The following DCLK1 variants were observed in gnomAD, a reference collection of about 807,000 sequenced individuals.
DCLK1 encodes serine/threonine-protein kinase DCLK1.
Under a neutral mutation model 86.2 loss-of-function variants are expected in DCLK1, and 16 were observed. The ratio of observed to expected loss-of-function variants is 0.19; its 90% CI spans 0.13 to 0.28. The LOEUF (loss-of-function observed/expected upper bound fraction) is 0.28. DCLK1 is among the 10% of genes least tolerant of loss of function. The pLI is 1.00. For missense variants in DCLK1, 590 were observed against 940.2 expected (o/e 0.63, Z 4.87); for synonymous variants, 369 against 370.5 (o/e 1.00, Z 0.05).
At chr13:35,843,458 A>T (rs897025019) in intron 6 of DCLK1, among the ~76,000 whole-genome samples, 1 of 152,192 alleles carries the variant, frequency 6.6e-6, no homozygotes, top group Non-Finnish European at 1.5e-5. Context: ...AACATATCAC[A>T]CTTTTTGAAG....
chr13:35,841,441 C>T (rs749245574), intron 6 of DCLK1, among the ~76,000 whole-genome samples: 2 of 151,962 alleles, frequency 1.3e-5, no homozygotes, highest in Non-Finnish European at 2.9e-5. Flanking sequence ...ATGGCTGATC[C>T]CTGAATGCTT....
intron 8 of DCLK1, among the ~76,000 whole-genome samples, chr13:35,829,289 C>A (rs913421641): frequency 6.6e-6 from 1 of 152,164 alleles, no homozygotes; most frequent in Non-Finnish European, 1.5e-5. Context: ...AAGAACACGT[C>A]TATTATTAAA....
At chr13:36,028,302 CAG>C (rs1882124735) in intron 3 of DCLK1, among the ~76,000 whole-genome samples, 1 of 152,164 alleles carries the variant, frequency 6.6e-6, no homozygotes, top group African/African-American at 2.4e-5. Context: ...AAGTCCAAAA[CAG>C]AGATTCTGTT....
chr13:35,931,034 GCAGA>G (rs1353999561), intron 4 of DCLK1, among the ~76,000 whole-genome samples: 4 of 152,162 alleles, frequency 2.6e-5, no homozygotes, highest in African/African-American at 7.2e-5. Context: ...TTAACCAGCT[GCAGA>G]CAATCACCCA....
chr13:35,965,819 C>T (rs1441243298), intron 3 of DCLK1, among the ~76,000 whole-genome samples: 2 of 151,982 alleles, frequency 1.3e-5, no homozygotes, highest in Non-Finnish European at 2.9e-5. Flanking sequence ...GTGCTGTGCC[C>T]AATCTTAGAA....
intron 4 of DCLK1, among the ~76,000 whole-genome samples, chr13:35,909,977 T>G (rs982031003): frequency 6.6e-6 from 1 of 152,174 alleles, no homozygotes; most frequent in African/African-American, 2.4e-5. Context: ...CTGCCTCACC[T>G]GTCATTTTGC....
chr13:36,105,811 GTTTGTTTGTTGCAGGGATAA>G (rs899001930), intron 3 of DCLK1, among the ~76,000 whole-genome samples: 2 of 152,046 alleles, frequency 1.3e-5, no homozygotes, highest in African/African-American at 4.8e-5. Context: ...GAATTTTTTT[GTTTGTTTGTTGCAGGGATAA>G]CTGACTGACC....
chr13:35,881,412 T>C (rs1249867214), intron 4 of DCLK1, among the ~76,000 whole-genome samples: 1 of 152,198 alleles, frequency 6.6e-6, no homozygotes, highest in Non-Finnish European at 1.5e-5. Flanking sequence ...TCCATCAGGG[T>C]GCAGGGAAAG....
intron 3 of DCLK1, among the ~76,000 whole-genome samples, chr13:36,093,051 A>C (rs7990548): frequency 5.3e-4 from 80 of 152,348 alleles, no homozygotes; most frequent in African/African-American, 1.9e-3. Flanking sequence ...AGACAAAAAT[A>C]ATAACAATAC....
chr13:35,829,506 T>C (rs1300626860), intron 8 of DCLK1, among the ~76,000 whole-genome samples: 2 of 152,128 alleles, frequency 1.3e-5, no homozygotes, highest in African/African-American at 4.8e-5. Flanking sequence ...GTGAATTAAG[T>C]GGGATTTCCT....
chr13:35,781,531 G>A (rs542670392), intron 16 of DCLK1, among the ~76,000 whole-genome samples: 1 of 152,320 alleles, frequency 6.6e-6, no homozygotes, highest in South Asian at 2.1e-4. Context: ...GGATTCACAA[G>A]AGATGTACTC....
intron 15 of DCLK1, among the ~76,000 whole-genome samples, chr13:35,799,464 T>A (rs1362774262): frequency 6.6e-6 from 1 of 152,194 alleles, no homozygotes; most frequent in Non-Finnish European, 1.5e-5. Context: ...TTGGCCAGGC[T>A]GGTCTTGAAC....
intron 3 of DCLK1, among the ~76,000 whole-genome samples, chr13:35,990,505 C>T (rs908799751): frequency 1.3e-5 from 2 of 152,040 alleles, no homozygotes; most frequent in African/African-American, 4.8e-5. Context: ...TACCTCTCCA[C>T]CCCAGGTCAT....
intron 3 of DCLK1, among the ~76,000 whole-genome samples, chr13:36,006,350 C>G (rs1301308986): frequency 1.3e-5 from 2 of 152,146 alleles, no homozygotes; most frequent in African/African-American, 4.8e-5. Flanking sequence ...GCTGTGAGAA[C>G]CTCTGGTTTA....
rs1566648535 is a variant in DCLK1, at chr13:36,020,116, T to C, written c.724-72659A>G. Among the ~76,000 whole-genome samples the C allele has an allele frequency of 2.6e-5, 4 of 152,186 alleles. No homozygotes were observed. The South Asian group carries it at 6.2e-4, about 24-fold the overall frequency. On this transcript the variant is annotated intron_variant, in intron 3 of 16. Transcript: ENST00000360631. ...GGCTGTCCTCTGCCTTTTGCCACGA[T>C]TGGACACAGTGTGAGGCCCTCCCTA...
At chr13:35,992,324 A>C (rs1406243771) in intron 3 of DCLK1, among the ~76,000 whole-genome samples, 3 of 152,226 alleles carry the variant, frequency 2.0e-5, no homozygotes, top group Admixed American at 2.0e-4. Flanking sequence ...AAAGATGAGG[A>C]GTTCCTGACA....
At chr13:36,117,953 C>A (rs1195081074) in intron 2 of DCLK1, among the ~76,000 whole-genome samples, 2 of 151,946 alleles carry the variant, frequency 1.3e-5, no homozygotes. Context: ...TTCACACTGG[C>A]CTTGGAAGCA....
chr13:35,947,466 G>A lies in DCLK1; in HGVS notation c.724-9C>T. On this transcript the variant is annotated splice_polypyrimidine_tract_variant and intron_variant, in intron 3 of 16. Coordinates refer to ENST00000360631, the MANE Select transcript of DCLK1 (RefSeq NM_001330071.2). ...TCCTGAAGGCACATCACCTACAAGA[G>A]AAAAGCATGGCACTCAGCAAGGGTG... 1 of 1,610,342 alleles carries A rather than the reference G, an allele frequency of 6.2e-7. No homozygotes were observed. The highest frequency in any genetic ancestry group is 1.7e-5 in the Admixed American group (1 of 59,980).
chr13:35,823,946 C>CA (rs200672445), intron 10 of DCLK1, among the ~76,000 whole-genome samples: 3 of 152,252 alleles, frequency 2.0e-5, no homozygotes, highest in East Asian at 1.9e-4. Flanking sequence ...GCTAACCACA[C>CA]AAATTTTTTT....
Sources: allele counts gnomAD v4.1 joint callset (sites outside exome capture counted in the v4.1 genomes callset), GRCh38; gene constraint gnomAD v4.1.1; transcripts MANE v1.5; gene names NCBI Gene and HGNC (gene_info 2026-07-23, HGNC 2026-07-21).